CDH13: variants seen among roughly 807,000 people sequenced by gnomAD.
CDH13 encodes cadherin 13.
CDH13 carries 24 observed loss-of-function variants against 63.8 expected under a neutral mutation model. The ratio of observed to expected loss-of-function variants is 0.38; its 90% CI spans 0.27 to 0.53. CDH13 has a LOEUF of 0.53. Among genes scored for constraint, CDH13 ranks in the 20% least tolerant of loss-of-function variants. CDH13 has a pLI of 0.85. For synonymous variants in CDH13, 503 were observed against 355.3 expected (o/e 1.42, Z -4.67); for missense variants, 1,049 against 903.1 (o/e 1.16, Z -2.07).
At chr16:83,779,940 A>G (rs1219480234) in intron 11 of CDH13, 28 bp from the exon 12 acceptor site, 1 of 1,514,922 alleles carries the variant, frequency 6.6e-7, no homozygotes, top group Non-Finnish European at 9.1e-7. Flanking sequence ...TACCAGTTGC[A>G]TACCAACATC....
At chr16:83,517,551 C>T (rs544931269) in intron 7 of CDH13, among the ~76,000 whole-genome samples, 240 of 133,738 alleles carry the variant, frequency 1.8e-3, no homozygotes, top group Middle Eastern at 0.011. Flanking sequence ...ATGCTTCAAC[C>T]ATCCCTTTGG....
chr16:83,719,898 C>A (rs553905442), intron 10 of CDH13, among the ~76,000 whole-genome samples: 1 of 152,210 alleles, frequency 6.6e-6, no homozygotes, highest in Non-Finnish European at 1.5e-5. Context: ...GCCCAGAAGG[C>A]ACTGCAGCAT....
chr16:83,751,102 G>A (rs941657548), intron 11 of CDH13, among the ~76,000 whole-genome samples: 16 of 152,166 alleles, frequency 1.1e-4, no homozygotes, highest in South Asian at 2.1e-4. Context: ...GCAGAGAAGC[G>A]TGTGGATACC....
chr16:83,445,847 G>T (rs2072671422), intron 6 of CDH13, among the ~76,000 whole-genome samples: 1 of 152,108 alleles, frequency 6.6e-6, no homozygotes, highest in Non-Finnish European at 1.5e-5. Context: ...AGGTACTTGG[G>T]GAGATACTGA....
chr16:82,814,619 C>T (rs1019487279), intron 1 of CDH13, among the ~76,000 whole-genome samples: 5 of 152,282 alleles, frequency 3.3e-5, no homozygotes, highest in Non-Finnish European at 7.4e-5. Context: ...CCCTATGCAT[C>T]TCTTGGTGTG....
At chr16:83,723,121 G>A (rs1909912648) in intron 10 of CDH13, among the ~76,000 whole-genome samples, 3 of 152,238 alleles carry the variant, frequency 2.0e-5, no homozygotes, top group African/African-American at 7.2e-5. Context: ...GAAGCAAGGT[G>A]ATCAATCTTC....
At chr16:83,748,040 T>C (rs1912752099) in intron 10 of CDH13, 68 bp from the exon 11 acceptor site, 2 of 1,558,516 alleles carry the variant, frequency 1.3e-6, no homozygotes, top group African/African-American at 2.7e-5. Flanking sequence ...GCTCATGCCC[T>C]GCACTCTGTA....
intron 5 of CDH13, among the ~76,000 whole-genome samples, chr16:83,219,895 A>G (rs1225371407): frequency 3.3e-5 from 5 of 152,190 alleles, no homozygotes; most frequent in Non-Finnish European, 4.4e-5. Context: ...ACTGGCTTGA[A>G]TTCCTCTCTT....
intron 6 of CDH13, among the ~76,000 whole-genome samples, chr16:83,472,516 C>A (rs899080436): frequency 6.6e-6 from 1 of 152,142 alleles, no homozygotes; most frequent in Non-Finnish European, 1.5e-5. Flanking sequence ...GTCAGGGCAC[C>A]GCCGCTCAGG....
At chr16:82,996,600 A>G (rs1280267659) in intron 2 of CDH13, among the ~76,000 whole-genome samples, 2 of 152,238 alleles carry the variant, frequency 1.3e-5, no homozygotes, top group Non-Finnish European at 2.9e-5. Flanking sequence ...ACCTTGTTTA[A>G]GTTTTACGCC....
chr16:83,390,408 T>C (rs2091763702), intron 6 of CDH13, among the ~76,000 whole-genome samples: 1 of 152,108 alleles, frequency 6.6e-6, no homozygotes, highest in South Asian at 2.1e-4. Flanking sequence ...CCTGGAGCAG[T>C]AGATCTTAAC....
At chr16:82,723,806 T>A (rs933326465) in intron 1 of CDH13, among the ~76,000 whole-genome samples, 1 of 152,300 alleles carries the variant, frequency 6.6e-6, no homozygotes, top group East Asian at 1.9e-4. Flanking sequence ...TTAAAAAAAA[T>A]ATAAGAAATT....
intron 2 of CDH13, chr16:82,926,094 A>G (rs2151287959): frequency 6.6e-6 from 1 of 152,350 alleles, no homozygotes; most frequent in African/African-American, 2.4e-5. Flanking sequence ...TATCTTGCAT[A>G]AATGGATACA....
At chr16:83,079,914 T>C (rs1343926165) in intron 3 of CDH13, among the ~76,000 whole-genome samples, 1 of 152,258 alleles carries the variant, frequency 6.6e-6, no homozygotes, top group East Asian at 1.9e-4. Flanking sequence ...TTCAGCCTAA[T>C]GCTGATAGAC....
At chr16:83,794,998 T>G (rs2151024077) in intron 13 of CDH13, 25 bp from the exon 14 acceptor site, 1 of 1,590,398 alleles carries the variant, frequency 6.3e-7, no homozygotes, top group African/African-American at 1.3e-5. Flanking sequence ...TATTCCCGAC[T>G]TAACTCTGAA....
At chr16:83,530,755 G>A (rs2075066411) in intron 7 of CDH13, among the ~76,000 whole-genome samples, 1 of 149,704 alleles carries the variant, frequency 6.7e-6, no homozygotes, top group African/African-American at 2.4e-5. Flanking sequence ...CACTCAACTG[G>A]TCCTGACAAA....
chr16:82,687,804 A>G (rs1915230632), intron 1 of CDH13, among the ~76,000 whole-genome samples: 1 of 152,124 alleles, frequency 6.6e-6, no homozygotes, highest in Non-Finnish European at 1.5e-5. Flanking sequence ...GTAGATCCTA[A>G]CATGGTGACC....
chr16:83,045,382 T>G (rs1193379604), intron 3 of CDH13, among the ~76,000 whole-genome samples: 1 of 152,112 alleles, frequency 6.6e-6, no homozygotes, highest in Admixed American at 6.6e-5. Flanking sequence ...CTCAAACCTG[T>G]AATCCTAGCA....
At chr16:83,691,659 G>A (rs1390428853) in intron 10 of CDH13, among the ~76,000 whole-genome samples, 1 of 152,020 alleles carries the variant, frequency 6.6e-6, no homozygotes, top group Admixed American at 6.6e-5. Flanking sequence ...TTGGCAGCCC[G>A]ACCGCAAATC....
Sources: allele counts gnomAD v4.1 joint callset (sites outside exome capture counted in the v4.1 genomes callset), GRCh38; gene constraint gnomAD v4.1.1; transcripts MANE v1.5; gene names NCBI Gene and HGNC (gene_info 2026-07-23, HGNC 2026-07-21).